NCKAP5: variants seen among roughly 807,000 people sequenced by gnomAD.
The protein encoded by NCKAP5 is nck-associated protein 5.
Under a neutral mutation model 167.0 loss-of-function variants are expected in NCKAP5, and 92 were observed. That is an observed-to-expected ratio of 0.55 (90% CI 0.47 to 0.66). The LOEUF (loss-of-function observed/expected upper bound fraction) is 0.66. NCKAP5 is among the 30% of genes least tolerant of loss of function. The probability of loss-of-function intolerance (pLI) is 0.00; values close to 1 mark genes in which losing one functional copy is unlikely to be tolerated. For missense variants in NCKAP5, 2,378 were observed against 2,315.0 expected (o/e 1.03, Z -0.56); for synonymous variants, 891 against 877.4 (o/e 1.02, Z -0.27).
At position 132,985,462 on chromosome 2, in the gene NCKAP5, A is replaced by G. The variant is rs2077261972; in HGVS notation, c.429+8690T>C. Among the ~76,000 whole-genome samples the G allele has an allele frequency of 1.3e-5, 2 of 152,206 alleles. 1 individual carries two copies. Among genetic ancestry groups the G allele is most frequent in the Non-Finnish European group, 2.9e-5 (2 of 68,034 alleles). On this transcript the variant is annotated intron_variant, in intron 7 of 19. Coordinates refer to ENST00000409261, the MANE Select transcript of NCKAP5 (RefSeq NM_207363.3). The stretch of plus-strand genomic sequence containing the variant: ...GTGCTCTCAAATGAAACTGTTTTGA[A>G]AACTTCTGGATATCTGGGAAATATT...
intron 5 of NCKAP5, among the ~76,000 whole-genome samples, chr2:133,137,892 AGAGCCTTTATTCCT>A (rs1409625290): frequency 6.6e-6 from 1 of 152,230 alleles, no homozygotes; most frequent in African/African-American, 2.4e-5. Context: ...AAGGGGCAGG[AGAGCCTTTATTCCT>A]GACGCAAGTC....
chr2:133,259,272 T>C (rs903892852), intron 4 of NCKAP5, among the ~76,000 whole-genome samples: 1 of 152,352 alleles, frequency 6.6e-6, no homozygotes, highest in Admixed American at 6.5e-5. Flanking sequence ...CAGCTCCACA[T>C]TAAGTGTTTT....
In NCKAP5 at chr2:133,189,809, C is replaced by A. The variant is rs374567767; in HGVS notation, c.207+23907G>T. Among the ~76,000 whole-genome samples the A allele has an allele frequency of 7.9e-5, 12 of 152,248 alleles. No individual in the cohort carries two copies. In the East Asian group the frequency reaches 2.3e-3, roughly 29 times the overall value. ...AGAGCTATTTATGACAAACCCACAG[C>A]CAATATCATCCTGAATGGGCAAAAA... is the stretch of plus-strand genomic sequence containing the variant. On this transcript the variant is annotated intron_variant, in intron 5 of 19. Transcript: ENST00000409261.
chr2:133,401,630 T>C (rs910030022), intron 3 of NCKAP5, among the ~76,000 whole-genome samples: 3 of 152,138 alleles, frequency 2.0e-5, no homozygotes, highest in African/African-American at 4.8e-5. Flanking sequence ...GAGTGTTCTG[T>C]AGGTAGAAAC....
At chr2:132,685,848 C>T (rs1235370910) in intron 19 of NCKAP5, among the ~76,000 whole-genome samples, 10 of 152,172 alleles carry the variant, frequency 6.6e-5, no homozygotes, top group Non-Finnish European at 1.5e-4. Flanking sequence ...AAAGTCAACT[C>T]TCCATCCATT....
chr2:133,213,413 G>A (rs2086291158), intron 5 of NCKAP5, among the ~76,000 whole-genome samples: 1 of 152,142 alleles, frequency 6.6e-6, no homozygotes, highest in African/African-American at 2.4e-5. Flanking sequence ...ATGTTGAACT[G>A]TTGCTCATTT....
chr2:133,186,892 T>C (rs560180614), intron 5 of NCKAP5, among the ~76,000 whole-genome samples: 100 of 152,114 alleles, frequency 6.6e-4, no homozygotes, highest in Admixed American at 3.6e-3. Context: ...TTTATTCTTT[T>C]GAAGAACTAG....
chr2:133,212,174 T>C (rs558413619), intron 5 of NCKAP5, among the ~76,000 whole-genome samples: 38 of 152,324 alleles, frequency 2.5e-4, no homozygotes, highest in African/African-American at 8.4e-4. Context: ...CTTCCTCATA[T>C]TCAACTAGAA....
At chr2:133,265,522 C>G (rs1314473020) in intron 4 of NCKAP5, among the ~76,000 whole-genome samples, 1 of 152,212 alleles carries the variant, frequency 6.6e-6, no homozygotes, top group Non-Finnish European at 1.5e-5. Context: ...CTATTTCTGA[C>G]CATCAATCAG....
At chr2:133,319,244 G>A (rs1046825006) in intron 3 of NCKAP5, among the ~76,000 whole-genome samples, 1 of 138,360 alleles carries the variant, frequency 7.2e-6, no homozygotes, top group Non-Finnish European at 1.5e-5. Flanking sequence ...AACAATTCAA[G>A]GTTTCTTTTC....
At chr2:133,066,353 C>G (rs1559105167) in intron 6 of NCKAP5, among the ~76,000 whole-genome samples, 1 of 152,022 alleles carries the variant, frequency 6.6e-6, no homozygotes, top group Non-Finnish European at 1.5e-5. Flanking sequence ...TCTTTTTTAC[C>G]CTTCAAATGC....
intron 5 of NCKAP5, among the ~76,000 whole-genome samples, chr2:133,205,769 C>A (rs750942786): frequency 1.1e-4 from 16 of 149,374 alleles, no homozygotes; most frequent in Admixed American, 4.0e-4. Flanking sequence ...ATATATATAT[C>A]TCTTTTTATA....
rs149471404 is a variant in NCKAP5 at position 133,277,784 on chromosome 2, G to A, written c.143+25253C>T. On this transcript the variant is annotated intron_variant, in intron 4 of 19. Coordinates refer to ENST00000409261, the MANE Select transcript of NCKAP5 (RefSeq NM_207363.3). ...AATGAAAACAGTGTGGTGCAGGTGCGTGTCTAGACAACCAGGGAGAAACAG... is the reference window on the plus strand; with the variant it reads ...AATGAAAACAGTGTGGTGCAGGTGCATGTCTAGACAACCAGGGAGAAACAG... 3.3e-5 allele frequency among the ~76,000 whole-genome samples: 5 copies of A among 152,212 alleles called. No homozygotes were observed. In the East Asian group the frequency reaches 7.7e-4, roughly 24 times the overall value.
At chr2:133,126,683 C>T (rs944251268) in intron 6 of NCKAP5, among the ~76,000 whole-genome samples, 1 of 152,144 alleles carries the variant, frequency 6.6e-6, no homozygotes, top group Non-Finnish European at 1.5e-5. Flanking sequence ...AATTTATTAA[C>T]AGAGATAATA....
At chr2:133,309,370 T>C (rs2150603225) in intron 3 of NCKAP5, among the ~76,000 whole-genome samples, 1 of 152,340 alleles carries the variant, frequency 6.6e-6, no homozygotes, top group Non-Finnish European at 1.5e-5. Context: ...TTCCTTTATA[T>C]TATTCTAAAG....
At chr2:133,470,169 T>C (rs968026203) in intron 3 of NCKAP5, among the ~76,000 whole-genome samples, 13 of 152,166 alleles carry the variant, frequency 8.5e-5, no homozygotes, top group Non-Finnish European at 1.8e-4. Context: ...TTGATGATGG[T>C]GATGTACAGA....
chr2:133,510,313 C>T (rs912062414), intron 3 of NCKAP5, among the ~76,000 whole-genome samples: 1 of 152,142 alleles, frequency 6.6e-6, no homozygotes, highest in Non-Finnish European at 1.5e-5. Context: ...AATAACTCCA[C>T]CTTGTACATG....
intron 19 of NCKAP5, among the ~76,000 whole-genome samples, chr2:132,706,581 A>G (rs1688379837): frequency 6.6e-6 from 1 of 152,004 alleles, no homozygotes; most frequent in African/African-American, 2.4e-5. Context: ...CCATCCAGTC[A>G]CTGAACTTCT....
chr2:132,719,020 C>T (rs112438168), intron 19 of NCKAP5, among the ~76,000 whole-genome samples: 1 of 152,070 alleles, frequency 6.6e-6, no homozygotes, highest in African/African-American at 2.4e-5. Context: ...TGAACTGAAC[C>T]TTAAAGATGA....
Sources: gnomAD v4.1 joint callset for allele counts (sites outside exome capture counted in the v4.1 genomes callset) on GRCh38, gnomAD v4.1.1 for gene constraint, MANE v1.5 for transcripts, NCBI Gene and HGNC (gene_info 2026-07-23, HGNC 2026-07-21) for gene names.